SWT1: variants seen among roughly 807,000 people sequenced by gnomAD.
SWT1 encodes the protein SWT1 RNA endoribonuclease homolog, also known as transcriptional protein SWT1.
Under a neutral mutation model 107.3 loss-of-function variants are expected in SWT1, and 33 were observed. That is an observed-to-expected ratio of 0.31 (90% CI 0.23 to 0.41). The LOEUF (loss-of-function observed/expected upper bound fraction) is 0.41. Ranked by LOEUF, SWT1 falls within the 10% of genes least tolerant of loss-of-function variation. The probability of loss-of-function intolerance (pLI) is 1.00; values close to 1 mark genes in which losing one functional copy is unlikely to be tolerated. For synonymous variants in SWT1, 345 were observed against 348.3 expected, an observed-to-expected ratio of 0.99 and a Z score of 0.11; for missense variants, 898 against 1,028.9, an observed-to-expected ratio of 0.87 and a Z score of 1.74.
At chr1:185,280,002 A>G (rs904556615) in intron 18 of SWT1, among the ~76,000 whole-genome samples, 2 of 152,098 alleles carry the variant, frequency 1.3e-5, no homozygotes, top group African/African-American at 4.8e-5. Context: ...TGAGAAGTGT[A>G]TCTGTGCCCT....
chr1:185,209,929 A>C (rs1658641823), intron 13 of SWT1, among the ~76,000 whole-genome samples: 2 of 152,116 alleles, frequency 1.3e-5, no homozygotes, highest in Admixed American at 6.5e-5. Context: ...AACTGGTATG[A>C]GATGGTATCT....
chr1:185,231,802 T>A, intron 16 of SWT1, 94 bp downstream of exon 16: 1 of 909,994 alleles, frequency 1.1e-6, no homozygotes, highest in Non-Finnish European at 1.7e-6. Context: ...AGGAGTCACA[T>A]AGAATAGACC....
At chr1:185,216,636 A>G (rs1360462502) in intron 14 of SWT1, among the ~76,000 whole-genome samples, 2 of 152,180 alleles carry the variant, frequency 1.3e-5, no homozygotes, top group African/African-American at 4.8e-5. Context: ...TACTACGTAT[A>G]TGTTGCCCAT....
At chr1:185,160,082 A>G (rs748415405) in intron 1 of SWT1, among the ~76,000 whole-genome samples, 8 of 152,286 alleles carry the variant, frequency 5.3e-5, no homozygotes, top group Middle Eastern at 3.4e-3. Flanking sequence ...TGGGTTATCT[A>G]TTTTACAAGT....
chr1:185,269,787 T>C (rs1485108293), intron 16 of SWT1, among the ~76,000 whole-genome samples: 8 of 152,186 alleles, frequency 5.3e-5, no homozygotes, highest in Admixed American at 5.2e-4. Context: ...CTTATAATGG[T>C]TTGTTTTAGG....
At chr1:185,252,058 T>C (rs1310610317) in intron 16 of SWT1, among the ~76,000 whole-genome samples, 4 of 152,124 alleles carry the variant, frequency 2.6e-5, no homozygotes, top group East Asian at 3.9e-4. Flanking sequence ...GGTTTTTTGT[T>C]CTTGCGATAG....
In SWT1 at chr1:185,260,712, T is replaced by G. The variant is rs1662959656; in HGVS notation, c.2442-10611T>G. On this transcript the variant is annotated intron_variant, in intron 16 of 18. Transcript: ENST00000367500. ...AGATCACAAGGTCAAGTGAAAGGGT[T>G]GTGTTTATGAATATGTGTATTAGAC... Among the ~76,000 whole-genome samples, 4 of 152,114 alleles carry G rather than the reference T, an allele frequency of 2.6e-5. No homozygotes were observed. The South Asian group carries it at 8.3e-4, about 32-fold the overall frequency.
intron 16 of SWT1, among the ~76,000 whole-genome samples, chr1:185,240,593 T>G (rs1044727153): frequency 3.3e-5 from 5 of 152,144 alleles, no homozygotes; most frequent in African/African-American, 1.2e-4. Context: ...AATCATATGC[T>G]GCATGGGCAT....
At chr1:185,176,514 G>A (rs1265620531) in intron 5 of SWT1, 2 of 947,050 alleles carry the variant, frequency 2.1e-6, no homozygotes, top group Non-Finnish European at 2.5e-6. Flanking sequence ...TGCCATTTAT[G>A]GACTACTTTG....
chr1:185,186,979 T>G (rs1656531060), intron 9 of SWT1, among the ~76,000 whole-genome samples: 1 of 150,652 alleles, frequency 6.6e-6, no homozygotes, highest in Non-Finnish European at 1.5e-5. Context: ...GGTCTCTCAC[T>G]CCTGACCTTA....
intron 16 of SWT1, among the ~76,000 whole-genome samples, chr1:185,252,104 C>T (rs1001348942): frequency 1.3e-5 from 2 of 152,040 alleles, no homozygotes; most frequent in African/African-American, 4.8e-5. Flanking sequence ...TTCATCCGGA[C>T]ATGAACTCAT....
intron 16 of SWT1, among the ~76,000 whole-genome samples, chr1:185,254,513 T>C (rs1193808688): frequency 3.5e-5 from 5 of 143,116 alleles, no homozygotes. Flanking sequence ...CTTGGGAGAG[T>C]GTATGTGTCG....
chr1:185,208,298 G>C (rs1658495439), intron 13 of SWT1, among the ~76,000 whole-genome samples: 1 of 152,120 alleles, frequency 6.6e-6, no homozygotes, highest in African/African-American at 2.4e-5. Context: ...TAAACTCTTT[G>C]AAAATGAGTT....
At chr1:185,269,240 T>C (rs932446647) in intron 16 of SWT1, among the ~76,000 whole-genome samples, 1 of 152,200 alleles carries the variant, frequency 6.6e-6, no homozygotes. Flanking sequence ...CTTATCTAGA[T>C]AGCTTTGTCT....
chr1:185,251,678 A>G (rs986210964), intron 16 of SWT1, among the ~76,000 whole-genome samples: 1 of 150,704 alleles, frequency 6.6e-6, no homozygotes, highest in Admixed American at 6.6e-5. Flanking sequence ...TGTTATTAGT[A>G]TTTTTTCTTT....
chr1:185,216,323 C>T (rs1170152031), intron 14 of SWT1, among the ~76,000 whole-genome samples: 1 of 152,038 alleles, frequency 6.6e-6, no homozygotes, highest in African/African-American at 2.4e-5. Context: ...AGGGTTATAG[C>T]ATGAGTATTG....
At chr1:185,228,483 C>A (rs377302703) in intron 15 of SWT1, among the ~76,000 whole-genome samples, 12 of 151,578 alleles carry the variant, frequency 7.9e-5, no homozygotes, top group African/African-American at 2.2e-4. Flanking sequence ...GATTGTACCA[C>A]CGTACTCCAG....
At position 185,216,674 on chromosome 1, in the gene SWT1, G is replaced by A. The variant is rs1194497405; in HGVS notation, c.2121+2019G>A. On this transcript the variant is annotated intron_variant, in intron 14 of 18. Coordinates refer to ENST00000367500, the MANE Select transcript of SWT1 (RefSeq NM_017673.7). The stretch of plus-strand genomic sequence containing the variant: ...CATACTTAAAAGTATTGACTTGACT[G>A]GGCATGGTGGTTCATGCCTGTAATC... Among the ~76,000 whole-genome samples, 5 of 152,252 alleles carry A rather than the reference G, an allele frequency of 3.3e-5. No individual in the cohort carries two copies. In the East Asian group the frequency reaches 9.7e-4, roughly 29 times the overall value.
intron 4 of SWT1, among the ~76,000 whole-genome samples, chr1:185,169,851 T>C (rs1654900407): frequency 6.6e-6 from 1 of 152,026 alleles, no homozygotes; most frequent in African/African-American, 2.4e-5. Flanking sequence ...CAAGTAAAAT[T>C]TGTAAACTCA....
Sources: gnomAD v4.1 joint callset for allele counts (sites outside exome capture counted in the v4.1 genomes callset) on GRCh38, gnomAD v4.1.1 for gene constraint, MANE v1.5 for transcripts, NCBI Gene and HGNC (gene_info 2026-07-23, HGNC 2026-07-21) for gene names.